The following ADGRB3 variants were observed in gnomAD, a reference collection of about 807,000 sequenced individuals.
ADGRB3 encodes brain-specific angiogenesis inhibitor 3.
Under a neutral mutation model 193.4 loss-of-function variants are expected in ADGRB3, and 37 were observed. The observed-to-expected ratio is 0.19, with a 90% CI of 0.15 to 0.25. The LOEUF (loss-of-function observed/expected upper bound fraction) is 0.25. Ranked by LOEUF, ADGRB3 falls within the 10% of genes least tolerant of loss-of-function variation. The pLI, the probability that ADGRB3 is intolerant of heterozygous loss-of-function variation, is 1.00. For missense variants in ADGRB3, 1,637 were observed against 1,852.9 expected, an observed-to-expected ratio of 0.88 and a Z score of 2.14; for synonymous variants, 690 against 644.2, an observed-to-expected ratio of 1.07 and a Z score of -1.08.
At chr6:68,743,994 G>A (rs999024000) in intron 3 of ADGRB3, among the ~76,000 whole-genome samples, 2 of 151,848 alleles carry the variant, frequency 1.3e-5, no homozygotes, top group Non-Finnish European at 2.9e-5. Flanking sequence ...ATGTATATAT[G>A]TATATATATT....
At chr6:69,158,725 C>A (rs1774911277) in intron 17 of ADGRB3, among the ~76,000 whole-genome samples, 1 of 152,016 alleles carries the variant, frequency 6.6e-6, no homozygotes, top group Non-Finnish European at 1.5e-5. Context: ...CTGAACCCTG[C>A]TTGAAGATAT....
chr6:68,644,684 C>G (rs1357508861), intron 3 of ADGRB3, among the ~76,000 whole-genome samples: 1 of 152,114 alleles, frequency 6.6e-6, no homozygotes, highest in Non-Finnish European at 1.5e-5. Flanking sequence ...TAACAAAATG[C>G]CACAATTATT....
chr6:68,891,444 AT>A, intron 3 of ADGRB3, among the ~76,000 whole-genome samples: 1 of 152,222 alleles, frequency 6.6e-6, no homozygotes. Flanking sequence ...TCTGGAATGA[AT>A]TTTATTAAGG....
intron 8 of ADGRB3, among the ~76,000 whole-genome samples, chr6:68,964,820 G>T (rs1326681236): frequency 6.6e-6 from 1 of 152,124 alleles, no homozygotes; most frequent in Admixed American, 6.6e-5. Flanking sequence ...CTAATAAATT[G>T]AAAGTTCATG....
chr6:69,230,668 CAA>C (rs1582562716), intron 17 of ADGRB3, among the ~76,000 whole-genome samples: 1 of 152,102 alleles, frequency 6.6e-6, no homozygotes, highest in East Asian at 1.9e-4. Flanking sequence ...TTTAATGAAA[CAA>C]TATAAATTTT....
Position 68,639,581 on chromosome 6 carries a change from T to A in ADGRB3, c.757+149T>A, listed in dbSNP as rs187270170. 5.1e-6 allele frequency: 6 copies of A among 1,176,834 alleles called. No homozygotes were observed. The Admixed American group carries it at 1.7e-4, about 34-fold the overall frequency. The allele number at this position is 1,176,834 out of a possible 1,614,324, so 72.9% of individuals were successfully genotyped here. A position where few individuals can be genotyped will look rare whatever the true frequency, so the allele number is the denominator to read the frequency against. On this transcript the variant is annotated intron_variant, in intron 3 of 31. Transcript: ENST00000370598. ...TTTGTGCTATTCACTGATAAAGGTCTCTTGAGCTAGTTTTAGGTTTCAAGG... is the reference window on the plus strand; with the variant it reads ...TTTGTGCTATTCACTGATAAAGGTCACTTGAGCTAGTTTTAGGTTTCAAGG...
chr6:68,975,134 A>G (rs183383643), intron 9 of ADGRB3, 100 bp from the exon 10 acceptor site: 2 of 969,604 alleles, frequency 2.1e-6, no homozygotes, highest in Admixed American at 2.7e-5. Context: ...TTTTTAAAGA[A>G]AAAAAGTACA....
intron 17 of ADGRB3, among the ~76,000 whole-genome samples, chr6:69,125,128 A>G (rs542566786): frequency 1.3e-5 from 2 of 152,296 alleles, no homozygotes; most frequent in East Asian, 1.9e-4. Context: ...AGGCAGGCAG[A>G]CCAGCCAATT....
intron 20 of ADGRB3, among the ~76,000 whole-genome samples, chr6:69,261,036 A>G (rs1028893794): frequency 6.6e-6 from 1 of 152,142 alleles, no homozygotes; most frequent in Non-Finnish European, 1.5e-5. Flanking sequence ...TTTGCTTTCC[A>G]ATGTTTTTAT....
At chr6:68,717,792 G>A (rs1209201646) in intron 3 of ADGRB3, among the ~76,000 whole-genome samples, 1 of 151,710 alleles carries the variant, frequency 6.6e-6, no homozygotes, top group Non-Finnish European at 1.5e-5. Context: ...AAAATATGGA[G>A]AAATTTCAGT....
chr6:69,229,278 T>C (rs990580444), intron 17 of ADGRB3, among the ~76,000 whole-genome samples: 2 of 152,292 alleles, frequency 1.3e-5, no homozygotes, highest in African/African-American at 4.8e-5. Flanking sequence ...GAATAATTTA[T>C]ACCAAAAGCC....
chr6:69,347,041 T>A (rs1344963253), intron 26 of ADGRB3, among the ~76,000 whole-genome samples: 1 of 152,066 alleles, frequency 6.6e-6, no homozygotes, highest in Non-Finnish European at 1.5e-5. Flanking sequence ...AAAAGGATGG[T>A]TTCATTTCCT....
intron 11 of ADGRB3, among the ~76,000 whole-genome samples, chr6:69,007,724 CACA>C (rs1383491541): frequency 3.3e-5 from 5 of 150,584 alleles, no homozygotes; most frequent in Non-Finnish European, 7.4e-5. Flanking sequence ...CACACACACA[CACA>C]CCCTGCTGAC....
At chr6:68,911,398 C>T (rs186920835) in intron 3 of ADGRB3, among the ~76,000 whole-genome samples, 22 of 149,690 alleles carry the variant, frequency 1.5e-4, no homozygotes, top group African/African-American at 5.0e-4. Flanking sequence ...GCACATGTAC[C>T]CTAAAGCTTA....
At chr6:69,245,319 G>T (rs1425337735) in intron 20 of ADGRB3, among the ~76,000 whole-genome samples, 2 of 152,010 alleles carry the variant, frequency 1.3e-5, no homozygotes, top group Admixed American at 6.6e-5. Context: ...ATTTATTGTT[G>T]TCTCATTTCC....
intron 8 of ADGRB3, among the ~76,000 whole-genome samples, chr6:68,970,625 A>T: frequency 6.6e-6 from 1 of 152,158 alleles, no homozygotes; most frequent in East Asian, 1.9e-4. Context: ...TTTCTTATGC[A>T]CCATTGGTTC....
At chr6:68,875,319 G>A (rs982071130) in intron 3 of ADGRB3, among the ~76,000 whole-genome samples, 5 of 145,078 alleles carry the variant, frequency 3.4e-5, no homozygotes, top group African/African-American at 1.3e-4. Context: ...TGAATAGAAT[G>A]TTGGGTCTTA....
rs561743952 is a variant in ADGRB3 at position 69,300,473 on chromosome 6, C to CA, written c.2815-24393dup. ...GACTGGAAGTCCTAGCAAGAGCAATCAAAAAAGGGAAATAAATAAAGGACT... is the reference window on the plus strand; with the variant it reads ...GACTGGAAGTCCTAGCAAGAGCAATCAAAAAAAGGGAAATAAATAAAGGACT... On this transcript the variant is annotated intron_variant, in intron 20 of 31. Transcript: ENST00000370598. Among the ~76,000 whole-genome samples, 439 of 151,322 alleles carry CA rather than the reference C, an allele frequency of 2.9e-3. 6 individuals are homozygous for CA. Among genetic ancestry groups the CA allele is most frequent in the African/African-American group, 8.1e-3 (335 of 41,382 alleles).
At chr6:68,829,367 G>A (rs1344256968) in intron 3 of ADGRB3, among the ~76,000 whole-genome samples, 2 of 151,912 alleles carry the variant, frequency 1.3e-5, no homozygotes, top group Non-Finnish European at 2.9e-5. Flanking sequence ...TTCCCACAGT[G>A]TTGGGAATAC....
Sources: gnomAD v4.1 joint callset for allele counts (sites outside exome capture counted in the v4.1 genomes callset) on GRCh38, gnomAD v4.1.1 for gene constraint, MANE v1.5 for transcripts, NCBI Gene and HGNC (gene_info 2026-07-23, HGNC 2026-07-21) for gene names.